Variants in GOSR2 observed in about 807,000 individuals in gnomAD.
GOSR2 encodes golgi SNAP receptor complex member 2.
Under a neutral mutation model 27.9 loss-of-function variants are expected in GOSR2, and 20 were observed. The observed-to-expected ratio is 0.72, with a 90% confidence interval of 0.50 to 1.04. The LOEUF is 1.04. Ranked by LOEUF, GOSR2 falls within the 50% of genes least tolerant of loss-of-function variation. GOSR2 has a pLI of 0.00. For missense variants in GOSR2, 261 were observed against 270.5 expected (o/e 0.97, Z 0.25); for synonymous variants, 91 against 98.8 (o/e 0.92, Z 0.47).
Position 46,940,390 on chromosome 17 carries a change from G to A in GOSR2, c.*1630G>A. 8 of 1,548,260 alleles carry A rather than the reference G, an allele frequency of 5.2e-6. No homozygotes were observed. The highest frequency in any genetic ancestry group is 6.1e-6 in the Non-Finnish European group (7 of 1,151,866). On this transcript the variant is annotated 3_prime_UTR_variant, in exon 6 of 6. Transcript: ENST00000640051. ...AAGCAGTGACTGGAGGGTGGACTGG[G>A]GGGTTGCAGCATCTTTAGACCTAGA...
At position 46,941,806 on chromosome 17, in the gene GOSR2, A is replaced by T; in HGVS notation, c.*3046A>T. On this transcript the variant is annotated 3_prime_UTR_variant, in exon 6 of 6. Coordinates refer to ENST00000640051, the MANE Select transcript of GOSR2 (RefSeq NM_004287.5). The stretch of plus-strand genomic sequence containing the variant: ...TTACTATGTTGACCAGATTGGTCTT[A>T]AACTCCTGGCCTCAAGTGATCTGCC... 1 of 306,398 alleles carries T rather than the reference A, an allele frequency of 3.3e-6. No homozygotes were observed. The highest frequency in any genetic ancestry group is 4.7e-6 in the Non-Finnish European group (1 of 211,238). 19.0% of individuals were successfully genotyped at this position (306,398 alleles called of 1,614,324 possible). A position where few individuals can be genotyped will look rare whatever the true frequency, so the allele number is the denominator to read the frequency against.
intron 6 of GOSR2, among the ~76,000 whole-genome samples, chr17:46,953,421 C>T (rs1342694070): frequency 6.6e-6 from 1 of 152,200 alleles, no homozygotes; most frequent in Non-Finnish European, 1.5e-5. Flanking sequence ...TGTATATGTG[C>T]CACATTTTCC....
intron 6 of GOSR2, among the ~76,000 whole-genome samples, chr17:46,953,644 A>G (rs2090523146): frequency 6.6e-6 from 1 of 152,198 alleles, no homozygotes. Context: ...CAATGGTTGA[A>G]CTAGTTTACA....
exon 7 of GOSR2, chr17:46,966,661 T>A (rs1236597939): frequency 3.5e-6 from 2 of 574,154 alleles, no homozygotes; most frequent in Non-Finnish European, 6.3e-6. Flanking sequence ...AAATACCTTT[T>A]GAACTCAGGC....
chr17:46,940,712 C>T lies in GOSR2; in HGVS notation c.*1952C>T. On this transcript the variant is annotated 3_prime_UTR_variant, in exon 6 of 6. Coordinates refer to ENST00000640051, the MANE Select transcript of GOSR2 (RefSeq NM_004287.5). ...GTGGTGTGCACCAGTGCTTTCCACA[C>T]TTGACAGTGGTTGGCTTTGATGAAC... The T allele has an allele frequency of 6.2e-7, 1 of 1,604,272 alleles. No homozygotes were observed. Among genetic ancestry groups the T allele is most frequent in the Non-Finnish European group, 8.5e-7 (1 of 1,178,026 alleles).
intron 6 of GOSR2, among the ~76,000 whole-genome samples, chr17:46,966,103 ATCT>A (rs1348917395): frequency 6.6e-6 from 1 of 152,036 alleles, no homozygotes; most frequent in Non-Finnish European, 1.5e-5. Flanking sequence ...TCTCCTCCTC[ATCT>A]TCTTCATCAT....
At chr17:46,946,683 T>G (rs4968287), downstream of GOSR2, among the ~76,000 whole-genome samples, 1 of 151,634 alleles carries the variant, frequency 6.6e-6, no homozygotes, top group Admixed American at 6.6e-5. Context: ...GCCAACATGG[T>G]GAAACCCCGT....
downstream of GOSR2, among the ~76,000 whole-genome samples, chr17:46,946,016 C>T (rs1272262952): frequency 6.6e-6 from 1 of 152,162 alleles, no homozygotes; most frequent in Admixed American, 6.5e-5. Flanking sequence ...AATCCAGGGG[C>T]CCTGGGAGAC....
chr17:46,974,875 G>A (rs7216984), intron 6 of GOSR2, among the ~76,000 whole-genome samples: 110,732 of 152,062 alleles, frequency 0.73, 41,178 homozygotes, highest in Non-Finnish European at 0.8. Flanking sequence ...AACCTTCTTC[G>A]AGGGAGTGGA....
intron 5 of GOSR2, chr17:46,936,661 G>A (rs1383855921): frequency 4.1e-6 from 4 of 984,446 alleles, no homozygotes; most frequent in Admixed American, 6.2e-5. Context: ...TGAAATTTAT[G>A]GTCATTTTCA....
intron 4 of GOSR2, chr17:46,933,208 G>T (rs530356936): frequency 2.1e-4 from 32 of 152,348 alleles, no homozygotes; most frequent in Non-Finnish European, 4.0e-4. Flanking sequence ...TTTTTTGCCA[G>T]CCTGGCGTGA....
Position 46,938,601 on chromosome 17 carries a change from G to A in GOSR2, c.480G>A (p.Gly160=), listed in dbSNP as rs1207341451. Residue 160 remains glycine (G), a splice_region_variant and synonymous_variant, in exon 6 of 6, where the codon GGG becomes GGA. Coordinates refer to ENST00000640051, the MANE Select transcript of GOSR2 (RefSeq NM_004287.5). The part of the protein sequence containing the change: ...GLRTQRLTLK[G]TQKKILDIAN... ...TTTTCTGTTCTCTTCTGCCCCAGGG[G>A]ACTCAGAAGAAGATCCTTGACATTG... 1.9e-6 allele frequency: 3 copies of A among 1,613,922 alleles called. No individual in the cohort carries two copies. Among genetic ancestry groups the A allele is most frequent in the Non-Finnish European group, 2.5e-6 (3 of 1,179,840 alleles).
Position 46,939,997 on chromosome 17 carries a change from T to A in GOSR2, c.*1237T>A. ...AAAATGACACTCAAAATCCTTCAGA[T>A]CTGGAAACCGGCTCAGTATTAACCC... is the stretch of plus-strand genomic sequence containing the variant. On this transcript the variant is annotated 3_prime_UTR_variant, in exon 6 of 6. Transcript: ENST00000640051. The A allele has an allele frequency of 9.9e-7, 1 of 1,010,570 alleles. No individual in the cohort carries two copies. The highest frequency in any genetic ancestry group is 1.2e-6 in the Non-Finnish European group (1 of 843,776). The allele number at this position is 1,010,570 out of a possible 1,614,324, so 62.6% of individuals were successfully genotyped here.
chr17:46,947,165 CTG>C (rs2089973981), intron 6 of GOSR2, among the ~76,000 whole-genome samples: 1 of 152,180 alleles, frequency 6.6e-6, no homozygotes, highest in South Asian at 2.1e-4. Flanking sequence ...GAACCCTCAG[CTG>C]TCTCTGAAAC....
Position 46,942,013 on chromosome 17 carries a change from A to G in GOSR2, c.*3253A>G. 1.7e-5 allele frequency: 16 copies of G among 941,298 alleles called. No homozygotes were observed. Among genetic ancestry groups the G allele is most frequent in the Non-Finnish European group, 2.0e-5 (16 of 789,682 alleles). 58.3% of individuals were successfully genotyped at this position (941,298 alleles called of 1,614,324 possible). ...AGTCCAAAATAAATTCTTACTGTTT[A>G]TATCCTACCTTAGTCCAAAAAAGAT... On this transcript the variant is annotated 3_prime_UTR_variant, in exon 6 of 6. Coordinates refer to ENST00000640051, the MANE Select transcript of GOSR2 (RefSeq NM_004287.5).
chr17:46,930,633 T>G (rs2146878851), intron 2 of GOSR2: 1 of 157,442 alleles, frequency 6.4e-6, no homozygotes, highest in South Asian at 1.7e-4. Flanking sequence ...CACATACTAA[T>G]CTTCCCCTTC....
downstream of GOSR2, among the ~76,000 whole-genome samples, chr17:46,945,876 G>T (rs1164394223): frequency 4.6e-5 from 7 of 152,306 alleles, no homozygotes; most frequent in South Asian, 2.1e-4. Flanking sequence ...ACCCCTGATC[G>T]CTGCCGGGTG....
downstream of GOSR2, among the ~76,000 whole-genome samples, chr17:46,970,124 T>A (rs553393580): frequency 5.3e-5 from 8 of 152,316 alleles, no homozygotes; most frequent in African/African-American, 1.4e-4. Flanking sequence ...TGTAAAGCAC[T>A]GTGCTTAGTG....
chr17:46,950,168 T>G (rs1419776953), intron 6 of GOSR2, among the ~76,000 whole-genome samples: 1 of 152,226 alleles, frequency 6.6e-6, no homozygotes, highest in Non-Finnish European at 1.5e-5. Context: ...TTTTTCAATG[T>G]CTCTGCAAGA....
Sources: allele counts gnomAD v4.1 joint callset (sites outside exome capture counted in the v4.1 genomes callset), GRCh38; gene constraint gnomAD v4.1.1; transcripts MANE v1.5; gene names NCBI Gene and HGNC (gene_info 2026-07-23, HGNC 2026-07-21).